The following ABLIM1 variants were observed in gnomAD, a reference collection of about 807,000 sequenced individuals.
ABLIM1 encodes the protein actin binding LIM protein 1, also known as actin-binding LIM protein 1.
In ABLIM1, 40 loss-of-function variants were observed where a neutral mutation model predicts 107.0. That is an observed-to-expected ratio of 0.37 (90% CI 0.29 to 0.49). The LOEUF (loss-of-function observed/expected upper bound fraction) is 0.49, where lower values mean the gene tolerates loss of function less well. ABLIM1 is among the 20% of genes least tolerant of loss of function. The pLI is 0.97. For synonymous variants in ABLIM1, 357 were observed against 357.3 expected (o/e 1.00, Z 0.01); for missense variants, 857 against 1,008.5 (o/e 0.85, Z 2.04).
intron 1 of ABLIM1, among the ~76,000 whole-genome samples, chr10:114,618,047 T>C (rs2077239776): frequency 6.6e-6 from 1 of 152,210 alleles, no homozygotes; most frequent in Non-Finnish European, 1.5e-5. Context: ...TATAGGCAAA[T>C]GTGCTCAACT....
intron 1 of ABLIM1, among the ~76,000 whole-genome samples, chr10:114,615,815 G>GAA (rs535466258): frequency 2.3e-5 from 3 of 128,006 alleles, no homozygotes; most frequent in Non-Finnish European, 1.7e-5. Flanking sequence ...CTCTGACTCA[G>GAA]AAAAAAAAAA....
intron 1 of ABLIM1, among the ~76,000 whole-genome samples, chr10:114,637,801 T>C (rs2078554633): frequency 6.6e-6 from 1 of 152,208 alleles, no homozygotes; most frequent in African/African-American, 2.4e-5. Context: ...TTAGCCTAAC[T>C]TCAGACTCAC....
rs1204387607 is a variant in ABLIM1 at position 114,433,916 on chromosome 10, A to G, written c.*2344T>C. On this transcript the variant is annotated 3_prime_UTR_variant, in exon 23 of 23. Coordinates refer to ENST00000533213, the MANE Select transcript of ABLIM1 (RefSeq NM_002313.7). The stretch of plus-strand genomic sequence containing the variant: ...GGGTGATAATTCATTAATCAATGTA[A>G]AACGTAGGGACCCTTTATTAGCTCC... 1 of 152,192 alleles carries G rather than the reference A, an allele frequency of 6.6e-6. No homozygotes were observed. 9.4% of individuals were successfully genotyped at this position (152,192 alleles called of 1,614,324 possible).
At chr10:114,548,300 A>G (rs368343235) in intron 4 of ABLIM1, among the ~76,000 whole-genome samples, 54 of 152,296 alleles carry the variant, frequency 3.5e-4, no homozygotes, top group African/African-American at 1.1e-3. Context: ...GTGATCATCA[A>G]TTAAGTGGCT....
At chr10:114,611,534 ATAGGTCCTTGC>A (rs2076810831) in intron 1 of ABLIM1, among the ~76,000 whole-genome samples, 1 of 152,022 alleles carries the variant, frequency 6.6e-6, no homozygotes, top group Non-Finnish European at 1.5e-5. Flanking sequence ...TGGCTACGTG[ATAGGTCCTTGC>A]TATTCCTCCA....
chr10:114,526,500 A>T, intron 6 of ABLIM1: 1 of 349,754 alleles, frequency 2.9e-6, no homozygotes, highest in Non-Finnish European at 4.0e-6. Context: ...AAGTTTACAT[A>T]AATGTATGTC....
chr10:114,439,387 A>G (rs1173276800), intron 20 of ABLIM1, 137 bp from the exon 21 acceptor site: 2 of 863,014 alleles, frequency 2.3e-6, no homozygotes, highest in African/African-American at 1.7e-5. Context: ...ATGACCATGT[A>G]TTTTTCAAAA....
chr10:114,599,590 G>A (rs112304588), intron 2 of ABLIM1, among the ~76,000 whole-genome samples: 4,222 of 151,948 alleles, frequency 0.028, 181 homozygotes, highest in African/African-American at 0.097. Context: ...TGGCCAACAT[G>A]ATGAAACCCC....
chr10:114,635,869 G>A (rs2078454598), intron 1 of ABLIM1, among the ~76,000 whole-genome samples: 1 of 152,180 alleles, frequency 6.6e-6, no homozygotes, highest in Non-Finnish European at 1.5e-5. Context: ...CTTTCTAGCA[G>A]AATTCAGCCA....
At chr10:114,648,066 T>C (rs763401301) in intron 1 of ABLIM1, among the ~76,000 whole-genome samples, 1 of 152,198 alleles carries the variant, frequency 6.6e-6, no homozygotes, top group Non-Finnish European at 1.5e-5. Context: ...TAATTTGAAA[T>C]TGTATTAAGT....
chr10:114,569,897 CAT>C (rs1019523752), intron 4 of ABLIM1, among the ~76,000 whole-genome samples: 5 of 152,316 alleles, frequency 3.3e-5, no homozygotes, highest in African/African-American at 4.8e-5. Flanking sequence ...TGCTGAATAA[CAT>C]GTGCTAATAT....
chr10:114,461,286 T>C (rs1246624880), intron 12 of ABLIM1, among the ~76,000 whole-genome samples: 11 of 151,750 alleles, frequency 7.2e-5, no homozygotes, highest in Admixed American at 7.2e-4. Flanking sequence ...AAGCTGGTCT[T>C]GAACTCCTGG....
At chr10:114,444,250 C>T (rs765456773) in intron 16 of ABLIM1, 116 bp from the exon 17 acceptor site, 301 of 870,212 alleles carry the variant, frequency 3.5e-4, no homozygotes, top group Non-Finnish European at 4.7e-4. Flanking sequence ...TGCTGGAGGG[C>T]CTGAATGCAT....
In ABLIM1 at chr10:114,621,235, C is replaced by T. The variant is rs143040928; in HGVS notation, c.245-19274G>A. On this transcript the variant is annotated intron_variant, in intron 1 of 22. Coordinates refer to ENST00000533213, the MANE Select transcript of ABLIM1 (RefSeq NM_002313.7). ...TTCATCACTTTCTGTCCTGCAGTCC[C>T]ATATTACTTTCATAGTTCCCCTTTG... Among the ~76,000 whole-genome samples, 16 of 152,292 alleles carry T rather than the reference C, an allele frequency of 1.1e-4. 1 individual carries two copies. Among genetic ancestry groups the T allele is most frequent in the Admixed American group, 1.0e-3 (16 of 15,298 alleles).
At chr10:114,718,030 G>GGAAGGAGAAA (rs1174396586) in intron 1 of ABLIM1, among the ~76,000 whole-genome samples, 3 of 81,978 alleles carry the variant, frequency 3.7e-5, no homozygotes, top group Non-Finnish European at 7.2e-5. Context: ...AAGGAAGGAA[G>GGAAGGAGAAA]GAGAAAGAGA....
chr10:114,757,263 C>T (rs774043286), intron 1 of ABLIM1, among the ~76,000 whole-genome samples: 6 of 152,150 alleles, frequency 3.9e-5, no homozygotes, highest in Non-Finnish European at 7.3e-5. Flanking sequence ...ATAGAGCATC[C>T]TCTGGCACGA....
intron 1 of ABLIM1, among the ~76,000 whole-genome samples, chr10:114,710,753 C>G (rs1188788118): frequency 6.6e-6 from 1 of 152,122 alleles, no homozygotes; most frequent in Non-Finnish European, 1.5e-5. Flanking sequence ...TGCACTCCAG[C>G]CTGGGCGACA....
At chr10:114,788,325 A>C in the ABLIM1 span, among the ~76,000 whole-genome samples, 1 of 63,946 alleles carries the variant, frequency 1.6e-5, no homozygotes, top group Non-Finnish European at 3.4e-5. Flanking sequence ...AGAATGATCA[A>C]TAAAAAAATA....
At chr10:114,540,100 T>G (rs2066481076) in intron 6 of ABLIM1, among the ~76,000 whole-genome samples, 1 of 152,210 alleles carries the variant, frequency 6.6e-6, no homozygotes, top group African/African-American at 2.4e-5. Flanking sequence ...AGAATCTTGC[T>G]GTCGAAAACA....
Sources: allele counts gnomAD v4.1 joint callset (sites outside exome capture counted in the v4.1 genomes callset), GRCh38; gene constraint gnomAD v4.1.1; transcripts MANE v1.5; gene names NCBI Gene and HGNC (gene_info 2026-07-23, HGNC 2026-07-21).